SLC25A29: variants seen among roughly 807,000 people sequenced by gnomAD.
SLC25A29 encodes the protein mitochondrial basic amino acids transporter.
A neutral mutation model predicts 10.0 loss-of-function variants in SLC25A29; 13 were observed. The ratio of observed to expected loss-of-function variants is 1.30; its 90% CI spans 0.85 to 2.07. The LOEUF is 2.07. Ranked by LOEUF, SLC25A29 falls within the 30% of genes most tolerant of loss-of-function variation. SLC25A29 has a pLI of 0.00. For synonymous variants in SLC25A29, 244 were observed against 221.1 expected (o/e 1.10, Z -0.92); for missense variants, 475 against 447.6 (o/e 1.06, Z -0.55).
At chr14:100,300,698 T>C (rs1892482904) in intron 1 of SLC25A29, among the ~76,000 whole-genome samples, 1 of 152,048 alleles carries the variant, frequency 6.6e-6, no homozygotes, top group African/African-American at 2.4e-5. Context: ...AACCTTTTCT[T>C]ACTATCTTCT....
chr14:100,292,066 C>T lies in SLC25A29; in HGVS notation c.*217G>A. ...ATAATCTCTGAGCTTCGTGACTCTA[C>T]AGTGTGGGCATGAGGGTCCTTATTT... On this transcript the variant is annotated 3_prime_UTR_variant, in exon 4 of 4. Transcript: ENST00000359232. 1.7e-6 allele frequency: 1 copy of T among 589,362 alleles called. No homozygotes were observed. Among genetic ancestry groups the T allele is most frequent in the Admixed American group, 2.9e-5 (1 of 34,490 alleles). 36.5% of individuals were successfully genotyped at this position (589,362 alleles called of 1,614,324 possible). A position where few individuals can be genotyped will look rare whatever the true frequency, so the allele number is the denominator to read the frequency against.
rs1483319965 is a variant in SLC25A29 at position 100,292,458 on chromosome 14, ACG to A, written c.735_736del (p.Val246LeufsTer76). 2 of 1,579,326 alleles carry A rather than the reference ACG, an allele frequency of 1.3e-6. No homozygotes were observed. Among genetic ancestry groups the A allele is most frequent in the Non-Finnish European group, 1.7e-6 (2 of 1,164,656 alleles). On this transcript the variant is annotated frameshift_variant, in exon 4 of 4. Coordinates refer to ENST00000359232, the MANE Select transcript of SLC25A29 (RefSeq NM_001039355.3). LOFTEE classifies it low-confidence loss of function (END_TRUNC). The stretch of plus-strand genomic sequence containing the variant: ...CGTGGACGCCAGCCCCCGTGTGAAG[ACG>A]CGCCAGCCCTCGGCGCGGTAGCTCT...
At position 100,292,883 on chromosome 14, in the gene SLC25A29, G is replaced by A. The variant is rs377430521; in HGVS notation, c.312C>T (p.Ala104=). 5.4e-5 allele frequency: 87 copies of A among 1,601,964 alleles called. No individual in the cohort carries two copies. The highest frequency in any genetic ancestry group is 7.2e-5 in the Non-Finnish European group (85 of 1,176,128). Residue 104 remains alanine, a synonymous_variant, in exon 4 of 4, where the codon GCC becomes GCT. Transcript: ENST00000359232. Reference sequence around the variant, plus strand: ...TGGGGCAGCAGATGACGCACTGGATGGCGCCCGCCGCCGCACCTGCCAGGA... The same window carrying A: ...TGGGGCAGCAGATGACGCACTGGATAGCGCCCGCCGCCGCACCTGCCAGGA... The part of the protein sequence containing the change: ...NQFLAGAAAG[A]IQCVICCPME...
At chr14:100,296,406 G>A (rs577585560) in intron 2 of SLC25A29, 1 of 204,906 alleles carries the variant, frequency 4.9e-6, no homozygotes, top group East Asian at 1.2e-4. Flanking sequence ...TCCACCTAGG[G>A]TGACAGAGCA....
the SLC25A29 span, chr14:100,281,598 T>G: frequency 6.6e-6 from 1 of 152,234 alleles, no homozygotes. Context: ...CTGCACTTTC[T>G]TGGGGTTCTG....
chr14:100,293,390 G>A lies in SLC25A29; in HGVS notation c.79-13C>T, dbSNP rs1444339581. ...CCTGAAGCCGTACCTGGAAGGAGAG[G>A]GTCCAGTGAGAGGCAGGCAGGCAGG... On this transcript the variant is annotated splice_polypyrimidine_tract_variant and intron_variant, in intron 2 of 3. Transcript: ENST00000359232. 4 of 1,611,540 alleles carry A rather than the reference G, an allele frequency of 2.5e-6. No individual in the cohort carries two copies. The highest frequency in any genetic ancestry group is 3.4e-6 in the Non-Finnish European group (4 of 1,179,170).
intron 3 of SLC25A29, 99 bp from the exon 4 acceptor site, chr14:100,293,131 G>A: frequency 2.1e-6 from 3 of 1,453,798 alleles, no homozygotes; most frequent in Non-Finnish European, 2.7e-6. Context: ...CCACCCCAGG[G>A]GCTCCTGAGG....
chr14:100,304,610 C>G (rs1430837223), intron 1 of SLC25A29, among the ~76,000 whole-genome samples: 1 of 151,528 alleles, frequency 6.6e-6, no homozygotes, highest in African/African-American at 2.4e-5. Context: ...CAGCACCAGA[C>G]AGTGCCAGTC....
intron 2 of SLC25A29, among the ~76,000 whole-genome samples, chr14:100,297,732 G>A (rs1892266912): frequency 6.6e-6 from 1 of 152,242 alleles, no homozygotes; most frequent in African/African-American, 2.4e-5. Context: ...TGGCCCTTCA[G>A]CCTCCTCCCC....
the SLC25A29 span, among the ~76,000 whole-genome samples, chr14:100,285,455 C>A: frequency 1.3e-5 from 2 of 151,608 alleles, no homozygotes; most frequent in East Asian, 2.0e-4. Flanking sequence ...GGGGCTGGGC[C>A]GCGTCCGCTG....
In SLC25A29 at chr14:100,302,207, G is replaced by A. The variant is rs1180240537; in HGVS notation, c.35-3322C>T. 4.0e-5 allele frequency among the ~76,000 whole-genome samples: 6 copies of A among 151,422 alleles called. No individual in the cohort carries two copies. In the East Asian group the frequency reaches 7.8e-4, roughly 20 times the overall value. The stretch of plus-strand genomic sequence containing the variant: ...ATTACAGGCTCCCGCCACCACACCC[G>A]GCTAATTTTTGTATTTTTAGTAGAG... On this transcript the variant is annotated intron_variant, in intron 1 of 3. Coordinates refer to ENST00000359232, the MANE Select transcript of SLC25A29 (RefSeq NM_001039355.3).
At chr14:100,280,848 C>T in the SLC25A29 span, 1 of 152,168 alleles carries the variant, frequency 6.6e-6, no homozygotes, top group South Asian at 2.1e-4. Context: ...CCTTGCAAAA[C>T]TTACTGTGGA....
At chr14:100,290,197 C>T (rs1377455958), downstream of SLC25A29, among the ~76,000 whole-genome samples, 2 of 152,236 alleles carry the variant, frequency 1.3e-5, no homozygotes, top group African/African-American at 4.8e-5. Context: ...ACCACAGCCA[C>T]AGGCCACACT....
At chr14:100,306,153 C>A (rs1344281438) in intron 1 of SLC25A29, 46 bp downstream of exon 1, 2 of 1,384,516 alleles carry the variant, frequency 1.4e-6, no homozygotes, top group Admixed American at 3.1e-5. Context: ...CGACCTCCCT[C>A]CCCGGACGCC....
intron 1 of SLC25A29, among the ~76,000 whole-genome samples, chr14:100,301,806 G>A (rs372641720): frequency 2.6e-5 from 4 of 152,062 alleles, no homozygotes; most frequent in African/African-American, 4.8e-5. Context: ...CACCACGCCC[G>A]GCACTTCCTG....
chr14:100,299,007 C>T (rs1892362445), intron 1 of SLC25A29, 122 bp from the exon 2 acceptor site: 1 of 1,499,844 alleles, frequency 6.7e-7, no homozygotes, highest in African/African-American at 1.4e-5. Flanking sequence ...AGGACATTGA[C>T]CAAGCACCTG....
chr14:100,293,430 C>G (rs1251609443), intron 2 of SLC25A29, 53 bp from the exon 3 acceptor site: 182 of 1,556,636 alleles, frequency 1.2e-4, no homozygotes, highest in Non-Finnish European at 1.6e-4. Context: ...GAGCACCCAG[C>G]TCCCGGGTCT....
At chr14:100,302,413 G>A (rs1295619001) in intron 1 of SLC25A29, among the ~76,000 whole-genome samples, 10 of 149,734 alleles carry the variant, frequency 6.7e-5, no homozygotes, top group Non-Finnish European at 1.5e-5. Context: ...AGGCCGGAGT[G>A]CAATGGCGCG....
chr14:100,306,152 T>C, intron 1 of SLC25A29, 47 bp downstream of exon 1: 1 of 1,374,278 alleles, frequency 7.3e-7, no homozygotes, highest in Non-Finnish European at 9.5e-7. Context: ...CCGACCTCCC[T>C]CCCCGGACGC....
Sources: gnomAD v4.1 joint callset for allele counts (sites outside exome capture counted in the v4.1 genomes callset) on GRCh38, gnomAD v4.1.1 for gene constraint, MANE v1.5 for transcripts, NCBI Gene and HGNC (gene_info 2026-07-23, HGNC 2026-07-21) for gene names.